DLGAP4: variants seen among roughly 807,000 people sequenced by gnomAD.
DLGAP4 encodes the protein DLG associated protein 4.
DLGAP4 carries 18 observed loss-of-function variants against 86.9 expected under a neutral mutation model. That is an observed-to-expected ratio of 0.21 (90% CI 0.14 to 0.31). DLGAP4 has a LOEUF of 0.31. Ranked by LOEUF, DLGAP4 falls within the 10% of genes least tolerant of loss-of-function variation. DLGAP4 has a pLI of 1.00. For synonymous variants in DLGAP4, 548 were observed against 574.3 expected (o/e 0.95, Z 0.65); for missense variants, 1,085 against 1,362.6 (o/e 0.80, Z 3.21).
intron 7 of DLGAP4, chr20:36,462,470 G>C: frequency 6.4e-7 from 1 of 1,562,666 alleles, no homozygotes; most frequent in Non-Finnish European, 8.6e-7. Flanking sequence ...TGCTTTTTCA[G>C]CCCTAGCCCC....
chr20:36,390,567 A>AG (rs2031750690), intron 2 of DLGAP4, among the ~76,000 whole-genome samples: 1 of 152,090 alleles, frequency 6.6e-6, no homozygotes, highest in Non-Finnish European at 1.5e-5. Context: ...AGCAATCCTG[A>AG]GTGGGGGGGC....
intron 2 of DLGAP4, among the ~76,000 whole-genome samples, chr20:36,425,417 T>A (rs1438994109): frequency 2.6e-5 from 4 of 152,096 alleles, no homozygotes; most frequent in Non-Finnish European, 4.4e-5. Context: ...ATAATTTTTT[T>A]AAAAAGGAAA....
chr20:36,477,111 T>C (rs187697560), intron 7 of DLGAP4, among the ~76,000 whole-genome samples: 14 of 151,990 alleles, frequency 9.2e-5, no homozygotes, highest in Admixed American at 5.9e-4. Context: ...TTTTTCTTTT[T>C]TTTTTTTAAG....
chr20:36,311,632 A>C (rs913971692), intron 1 of DLGAP4, among the ~76,000 whole-genome samples: 1 of 152,186 alleles, frequency 6.6e-6, no homozygotes, highest in South Asian at 2.1e-4. Flanking sequence ...TGCACTGCTC[A>C]GCCCTCTGTT....
At chr20:36,410,567 G>T (rs546486338) in intron 2 of DLGAP4, among the ~76,000 whole-genome samples, 2 of 152,314 alleles carry the variant, frequency 1.3e-5, no homozygotes, top group East Asian at 1.9e-4. Context: ...TGCTTCTGAT[G>T]AGGGCCTCAG....
rs550951987 is a variant in DLGAP4, at chr20:36,515,043, T to C, written c.2513-9207T>C. 7.6e-4 allele frequency among the ~76,000 whole-genome samples: 115 copies of C among 152,214 alleles called. 1 individual carries two copies. Among genetic ancestry groups the C allele is most frequent in the African/African-American group, 2.7e-3 (113 of 41,544 alleles). On this transcript the variant is annotated intron_variant, in intron 10 of 12. Transcript: ENST00000339266. ...AGGAGAGAGGAGGCCCACCAGTCACTCCAAGGACCACTGAGATTAGGTGTG... is the reference window on the plus strand; with the variant it reads ...AGGAGAGAGGAGGCCCACCAGTCACCCCAAGGACCACTGAGATTAGGTGTG...
rs1309829896 is a variant in DLGAP4 at position 36,528,220 on chromosome 20, T to A, written c.*1189T>A. 2.2e-5 allele frequency: 3 copies of A among 139,446 alleles called. No individual in the cohort carries two copies. The highest frequency in any genetic ancestry group is 9.3e-5 in the African/African-American group (3 of 32,424). 8.6% of individuals were successfully genotyped at this position (139,446 alleles called of 1,614,324 possible). On this transcript the variant is annotated 3_prime_UTR_variant, in exon 13 of 13. Transcript: ENST00000339266. Reference sequence around the variant, plus strand: ...CCCAGCCTCTGAGTTTTCTGTTCTATTTTTTTTTTAACCCCAATTATCCTT... The same window carrying A: ...CCCAGCCTCTGAGTTTTCTGTTCTAATTTTTTTTTAACCCCAATTATCCTT...
At chr20:36,470,680 G>A (rs1202629392) in intron 7 of DLGAP4, among the ~76,000 whole-genome samples, 2 of 151,624 alleles carry the variant, frequency 1.3e-5, no homozygotes, top group Non-Finnish European at 1.5e-5. Flanking sequence ...TCAGCATCAC[G>A]TGCAGCTATT....
At chr20:36,454,051 A>T (rs551274094) in intron 7 of DLGAP4, among the ~76,000 whole-genome samples, 1 of 151,996 alleles carries the variant, frequency 6.6e-6, no homozygotes, top group East Asian at 1.9e-4. Context: ...TGGGTGGATC[A>T]CCTGAGGTCA....
chr20:36,349,314 A>C (rs1203445691), intron 1 of DLGAP4, among the ~76,000 whole-genome samples: 2 of 151,006 alleles, frequency 1.3e-5, no homozygotes, highest in African/African-American at 4.9e-5. Context: ...GCTACTCGGG[A>C]GGCTGAGCCA....
chr20:36,525,216 C>CAA lies in DLGAP4; in HGVS notation c.2605-598_2605-597dup, dbSNP rs1159616185. On this transcript the variant is annotated intron_variant, in intron 11 of 12. Coordinates refer to ENST00000339266, the MANE Select transcript of DLGAP4 (RefSeq NM_001365621.2). ...TGGGTGACAGAGCGAGACTCCGTCTCAAAAAAAAAAAAAAAAAAAAAAAAA... is the reference window on the plus strand; with the variant it reads ...TGGGTGACAGAGCGAGACTCCGTCTCAAAAAAAAAAAAAAAAAAAAAAAAAAA... Among the ~76,000 whole-genome samples the CAA allele has an allele frequency of 2.7e-3, 77 of 28,500 alleles. 13 individuals carry two copies. The highest frequency in any genetic ancestry group is 4.0e-3 in the Non-Finnish European group (54 of 13,470). 18.7% of individuals were successfully genotyped at this position (28,500 alleles called of 152,430 possible). A position where few individuals can be genotyped will look rare whatever the true frequency, so the allele number is the denominator to read the frequency against.
intron 10 of DLGAP4, 121 bp from the exon 11 acceptor site, chr20:36,524,129 C>T (rs1053893388): frequency 1.3e-5 from 10 of 776,288 alleles, no homozygotes; most frequent in East Asian, 2.6e-5. Context: ...TGAAGACCAC[C>T]GCCATCATGA....
intron 10 of DLGAP4, among the ~76,000 whole-genome samples, chr20:36,518,331 C>G (rs1050850237): frequency 5.3e-5 from 8 of 151,686 alleles, no homozygotes; most frequent in Non-Finnish European, 1.2e-4. Flanking sequence ...CATTCCTAAT[C>G]TTTATTTGCA....
chr20:36,439,686 T>G, intron 4 of DLGAP4, 68 bp from the exon 5 acceptor site: 1 of 1,395,156 alleles, frequency 7.2e-7, no homozygotes, highest in Non-Finnish European at 9.9e-7. Context: ...TCACAGATGG[T>G]CAAGGCCTCC....
At chr20:36,492,094 A>G (rs1035381956) in intron 7 of DLGAP4, among the ~76,000 whole-genome samples, 1 of 152,198 alleles carries the variant, frequency 6.6e-6, no homozygotes, top group Non-Finnish European at 1.5e-5. Flanking sequence ...GCAGAAGAAC[A>G]GTATGTGTGA....
At chr20:36,423,273 T>A (rs913601810) in intron 2 of DLGAP4, among the ~76,000 whole-genome samples, 4 of 150,796 alleles carry the variant, frequency 2.7e-5, no homozygotes, top group Admixed American at 6.6e-5. Flanking sequence ...ACCTGGCCAA[T>A]GGTGAAACCC....
chr20:36,468,509 G>A (rs952956565), intron 7 of DLGAP4, among the ~76,000 whole-genome samples: 2 of 152,248 alleles, frequency 1.3e-5, no homozygotes, highest in African/African-American at 2.4e-5. Context: ...TTGATGGCTT[G>A]GCCGAGGCCT....
At chr20:36,478,499 A>AG (rs2035043782) in intron 7 of DLGAP4, among the ~76,000 whole-genome samples, 1 of 152,224 alleles carries the variant, frequency 6.6e-6, no homozygotes, top group South Asian at 2.1e-4. Context: ...AGCAGCTCCC[A>AG]GGGGGTAGAT....
At chr20:36,382,532 T>C (rs925629079) in intron 2 of DLGAP4, among the ~76,000 whole-genome samples, 38 of 136,572 alleles carry the variant, frequency 2.8e-4, no homozygotes, top group African/African-American at 4.2e-4. Flanking sequence ...TTTTTCTTTT[T>C]TTTTTTTTTT....
Sources: gnomAD v4.1 joint callset for allele counts (sites outside exome capture counted in the v4.1 genomes callset) on GRCh38, gnomAD v4.1.1 for gene constraint, MANE v1.5 for transcripts, NCBI Gene and HGNC (gene_info 2026-07-23, HGNC 2026-07-21) for gene names.